The following ZNF333 variants were observed in gnomAD, a reference collection of about 807,000 sequenced individuals.
ZNF333 encodes the protein zinc finger protein 333.
Under a neutral mutation model 76.1 loss-of-function variants are expected in ZNF333, and 61 were observed. The observed-to-expected ratio is 0.80, with a 90% CI of 0.65 to 0.99. ZNF333 has a LOEUF of 0.99. ZNF333 is among the 50% of genes least tolerant of loss of function. The pLI, the probability that ZNF333 is intolerant of heterozygous loss-of-function variation, is 0.00. For synonymous variants in ZNF333, 284 were observed against 305.0 expected (o/e 0.93, Z 0.72); for missense variants, 717 against 822.4 (o/e 0.87, Z 1.57).
At chr19:14,692,071 A>C (rs1972815170) in intron 1 of ZNF333, among the ~76,000 whole-genome samples, 1 of 152,132 alleles carries the variant, frequency 6.6e-6, no homozygotes, top group South Asian at 2.1e-4. Context: ...GCATATTTTC[A>C]CTGGGGTGCC....
Position 14,690,090 on chromosome 19 carries a change from T to TGCGGC in ZNF333, c.-100_-99insGGCGC, listed in dbSNP as rs1175423043. On this transcript the variant is annotated 5_prime_UTR_variant, in exon 1 of 12. Coordinates refer to ENST00000292530, the MANE Select transcript of ZNF333 (RefSeq NM_032433.4). ...GCGGCGGCCGACGGCGGCTGAGCTG[T>TGCGGC]GCTGCGCGGCGCGGCGCGGTGCGGC... 2 of 141,060 alleles carry TGCGGC rather than the reference T, an allele frequency of 1.4e-5. No homozygotes were observed. Among genetic ancestry groups the TGCGGC allele is most frequent in the Non-Finnish European group, 3.1e-5 (2 of 63,908 alleles). 8.7% of individuals were successfully genotyped at this position (141,060 alleles called of 1,614,324 possible). A position where few individuals can be genotyped will look rare whatever the true frequency, so the allele number is the denominator to read the frequency against.
chr19:14,717,779 G>A, intron 11 of ZNF333, 46 bp downstream of exon 11: 2 of 1,574,976 alleles, frequency 1.3e-6, no homozygotes, highest in African/African-American at 1.3e-5. Flanking sequence ...AGTAGGATGA[G>A]TCTGGGGTTA....
intron 4 of ZNF333, among the ~76,000 whole-genome samples, chr19:14,697,887 T>C: frequency 6.6e-6 from 1 of 152,192 alleles, no homozygotes; most frequent in East Asian, 1.9e-4. Context: ...AATTTAACCT[T>C]TTTATGTATG....
intron 10 of ZNF333, 27 bp downstream of exon 10, chr19:14,717,116 T>A (rs1481672307): frequency 3.2e-6 from 5 of 1,568,714 alleles, no homozygotes; most frequent in African/African-American, 1.3e-5. Flanking sequence ...CAGGTGAGCA[T>A]CAGCTCTGGT....
downstream of ZNF333, chr19:14,722,052 GA>G (rs368474564): frequency 1.6e-4 from 25 of 152,348 alleles, no homozygotes; most frequent in African/African-American, 5.3e-4. Context: ...GTACATCAAT[GA>G]ATGAAAGTTT....
chr19:14,717,035 G>T lies in ZNF333; in HGVS notation c.769G>T (p.Glu257Ter). 1 of 1,612,134 alleles carries T rather than the reference G, an allele frequency of 6.2e-7. No individual in the cohort carries two copies. Among genetic ancestry groups the T allele is most frequent in the Non-Finnish European group, 8.5e-7 (1 of 1,179,030 alleles). ...ACCCAATGCGTTGTCTTATTTGGAA[G>T]AAAGAGGAGAGCAGTGGACCACTGA... is the stretch of plus-strand genomic sequence containing the variant. ...CKPNALSYLE[E>*]RGEQWTTDRG... Residue 257 changes from glutamate (E) to a stop codon, truncating the protein, a stop_gained, in exon 10 of 12, where the codon GAA (glutamate) becomes TAA (stop). Transcript: ENST00000292530. LOFTEE classifies it high-confidence loss of function.
chr19:14,725,232 C>T (rs1344953121), downstream of ZNF333, among the ~76,000 whole-genome samples: 1 of 152,084 alleles, frequency 6.6e-6, no homozygotes, highest in East Asian at 1.9e-4. Flanking sequence ...CTGACAGCAC[C>T]ATGGGGATGA....
chr19:14,727,183 A>T (rs1021754234), intron 11 of ZNF333, among the ~76,000 whole-genome samples: 5 of 151,886 alleles, frequency 3.3e-5, no homozygotes, highest in African/African-American at 7.3e-5. Flanking sequence ...GTCCGCCACC[A>T]CGCCTGGCTA....
intron 11 of ZNF333, 62 bp from the exon 12 acceptor site, chr19:14,718,166 T>C (rs1454199018): frequency 6.5e-7 from 1 of 1,536,910 alleles, no homozygotes; most frequent in Non-Finnish European, 8.7e-7. Flanking sequence ...TCATTTCACA[T>C]AGGGGAGAAT....
rs1045650488 is a variant in ZNF333, at chr19:14,695,658, G to A, written c.220G>A (p.Val74Ile). ...TERGILRATG[V>I]AWESQLKPEE... The stretch of plus-strand genomic sequence containing the variant: ...ACGAGGGATTCTCCGTGCCACAGGT[G>A]TTGGTGAGTACCAGGCAGGCTGTGG... Residue 74 changes from valine to isoleucine, a missense_variant, in exon 4 of 12, where the codon GTT becomes ATT. Coordinates refer to ENST00000292530, the MANE Select transcript of ZNF333 (RefSeq NM_032433.4). 15 of 1,614,062 alleles carry A rather than the reference G, an allele frequency of 9.3e-6. No homozygotes were observed. The highest frequency in any genetic ancestry group is 1.7e-4 in the Middle Eastern group (1 of 6,060).
intron 11 of ZNF333, among the ~76,000 whole-genome samples, chr19:14,729,484 G>A (rs975004287): frequency 6.6e-6 from 1 of 152,038 alleles, no homozygotes; most frequent in Non-Finnish European, 1.5e-5. Context: ...TCAGCCTCCA[G>A]AGTAGCTGGG....
intron 11 of ZNF333, among the ~76,000 whole-genome samples, chr19:14,729,143 G>A (rs1329258457): frequency 1.3e-5 from 2 of 152,056 alleles, no homozygotes; most frequent in East Asian, 1.9e-4. Flanking sequence ...GGGGCAGGGA[G>A]GCATAGAGAC....
rs754530594 is a variant in ZNF333 at position 14,731,145 on chromosome 19, C to T, written c.901-30C>T. ...CATTCAATTTCTCTTCTCTTTCCCT[C>T]ATTCTTCCTCCTTATAATTCCCTTT... On this transcript the variant is annotated intron_variant, in intron 11 of 11. Coordinates refer to the ZNF333 transcript ENST00000540689. The T allele has an allele frequency of 3.3e-6, 5 of 1,532,004 alleles. No individual in the cohort carries two copies. In the South Asian group the frequency reaches 6.0e-5, roughly 18 times the overall value. 94.9% of individuals were successfully genotyped at this position (1,532,004 alleles called of 1,614,324 possible). A position where few individuals can be genotyped will look rare whatever the true frequency, so the allele number is the denominator to read the frequency against.
intron 6 of ZNF333, chr19:14,706,421 C>T (rs1436396497): frequency 2.1e-6 from 1 of 474,680 alleles, no homozygotes; most frequent in African/African-American, 2.0e-5. Flanking sequence ...CCCAGCTTTT[C>T]CCTGACTTCT....
Position 14,719,321 on chromosome 19 carries a change from A to ATTAAC in ZNF333, c.1997_*3dup. 10 of 1,594,290 alleles carry ATTAAC rather than the reference A, an allele frequency of 6.3e-6. No individual in the cohort carries two copies. The highest frequency in any genetic ancestry group is 8.5e-6 in the Non-Finnish European group (10 of 1,170,794). On this transcript the variant is annotated stop_gained and frameshift_variant, in exon 12 of 12. Coordinates refer to ENST00000292530, the MANE Select transcript of ZNF333 (RefSeq NM_032433.4). LOFTEE classifies it high-confidence loss of function. ...CATCCATACTGTGGGCCCCTTGCTA[A>ATTAAC]TTAACTTCCATTTTGTAAAAATATA...
At chr19:14,731,138 T>C (rs1358194955) in intron 11 of ZNF333, 4 of 1,529,818 alleles carry the variant, frequency 2.6e-6, no homozygotes, top group Non-Finnish European at 3.5e-6. Flanking sequence ...TTCTCTTCTC[T>C]TTCCCTCATT....
intron 1 of ZNF333, among the ~76,000 whole-genome samples, chr19:14,691,999 G>A (rs934247303): frequency 1.3e-5 from 2 of 152,074 alleles, no homozygotes; most frequent in Non-Finnish European, 2.9e-5. Context: ...TTGTGTGTGC[G>A]TGGGCATATT....
rs549570934 is a variant in ZNF333, at chr19:14,718,960, C to T, written c.1633C>T (p.Arg545Cys). ...CGCGACTTGCGGTCAGGTCTTGAGT[C>T]GTCTTTCAACCCTGAAGAGTCACAT... Reference protein sequence around the residue: ...ECATCGQVLSRLSTLKSHMRT... With the variant: ...ECATCGQVLSCLSTLKSHMRT... Residue 545 changes from arginine (R) to cysteine (C), a missense_variant, in exon 12 of 12, where the codon CGT becomes TGT. Transcript: ENST00000292530. The T allele has an allele frequency of 9.3e-6, 15 of 1,613,826 alleles. No individual in the cohort carries two copies. The East Asian group carries it at 1.6e-4, about 17-fold the overall frequency.
intron 4 of ZNF333, among the ~76,000 whole-genome samples, chr19:14,698,373 CAAAA>C (rs35567352): frequency 7.4e-5 from 5 of 67,446 alleles, no homozygotes; most frequent in African/African-American, 2.5e-4. Flanking sequence ...GACTCCGTCT[CAAAA>C]AAAAAAAAAA....
Sources: gnomAD v4.1 joint callset for allele counts (sites outside exome capture counted in the v4.1 genomes callset) on GRCh38, gnomAD v4.1.1 for gene constraint, MANE v1.5 for transcripts, NCBI Gene and HGNC (gene_info 2026-07-23, HGNC 2026-07-21) for gene names.